The following THRB variants were observed in gnomAD, a reference collection of about 807,000 sequenced individuals.
The protein encoded by THRB is nuclear receptor subfamily 1 group A member 2.
In THRB, 12 loss-of-function variants were observed where a neutral mutation model predicts 47.8. The observed-to-expected ratio is 0.25, with a 90% CI of 0.16 to 0.41. The LOEUF (loss-of-function observed/expected upper bound fraction) is 0.41. THRB is among the 10% of genes least tolerant of loss of function. The probability of loss-of-function intolerance (pLI) is 1.00; values close to 1 mark genes in which losing one functional copy is unlikely to be tolerated. For synonymous variants in THRB, 218 were observed against 212.2 expected (o/e 1.03, Z -0.24); for missense variants, 348 against 589.2 (o/e 0.59, Z 4.24).
intron 1 of THRB, among the ~76,000 whole-genome samples, chr3:24,433,279 A>AT (rs1408578654): frequency 6.6e-6 from 1 of 152,130 alleles, no homozygotes; most frequent in East Asian, 1.9e-4. Context: ...GTAGTTAAGG[A>AT]TTTTCTGATG....
At chr3:24,257,886 G>C (rs1447250191) in intron 3 of THRB, among the ~76,000 whole-genome samples, 1 of 152,226 alleles carries the variant, frequency 6.6e-6, no homozygotes, top group Non-Finnish European at 1.5e-5. Flanking sequence ...TTCAGCTTCA[G>C]CTTGGAGAAC....
chr3:24,135,186 C>T (rs181161472), intron 8 of THRB, among the ~76,000 whole-genome samples: 2 of 152,230 alleles, frequency 1.3e-5, no homozygotes, highest in African/African-American at 2.4e-5. Context: ...TGCCTCCTCC[C>T]GCATATCTCC....
intron 7 of THRB, among the ~76,000 whole-genome samples, chr3:24,145,796 T>C (rs543014472): frequency 6.6e-6 from 1 of 152,302 alleles, no homozygotes; most frequent in Admixed American, 6.5e-5. Flanking sequence ...CCTCACTGTA[T>C]TTTCTTTTTT....
intron 3 of THRB, among the ~76,000 whole-genome samples, chr3:24,285,806 T>C (rs577303888): frequency 5.9e-5 from 9 of 152,300 alleles, no homozygotes; most frequent in East Asian, 3.9e-4. Context: ...TTCCTAAGGT[T>C]AGAGTCTTTT....
At chr3:24,433,042 T>C (rs1350506749) in intron 1 of THRB, among the ~76,000 whole-genome samples, 2 of 152,136 alleles carry the variant, frequency 1.3e-5, no homozygotes, top group Non-Finnish European at 2.9e-5. Flanking sequence ...ATTTTTTATT[T>C]CTACTAACTC....
intron 1 of THRB, among the ~76,000 whole-genome samples, chr3:24,425,357 T>C (rs1299954238): frequency 6.6e-6 from 1 of 151,980 alleles, no homozygotes; most frequent in Non-Finnish European, 1.5e-5. Flanking sequence ...TAAATCTTTT[T>C]GCCATTGTGT....
At chr3:24,388,565 A>T (rs1274284747) in intron 1 of THRB, among the ~76,000 whole-genome samples, 2 of 152,180 alleles carry the variant, frequency 1.3e-5, no homozygotes, top group Admixed American at 6.5e-5. Flanking sequence ...ATTAAAAAAT[A>T]ATTTTCAAAA....
intron 3 of THRB, among the ~76,000 whole-genome samples, chr3:24,296,420 G>C (rs2056451775): frequency 6.6e-6 from 1 of 152,230 alleles, no homozygotes. Context: ...CACATTGTTA[G>C]GACGGGCAAT....
intron 1 of THRB, among the ~76,000 whole-genome samples, chr3:24,340,856 A>T (rs2062592591): frequency 6.6e-6 from 1 of 152,188 alleles, no homozygotes; most frequent in Non-Finnish European, 1.5e-5. Flanking sequence ...ATGGAATCCT[A>T]GTTAGAATTC....
In THRB at chr3:24,165,291, G is replaced by T. The variant is rs1330025483; in HGVS notation, c.284-12801C>A. ...AAATACGCGTAATAATCAGTGGACT[G>T]CATGTAGCAATTGCTGCCGGCAGCT... On this transcript the variant is annotated intron_variant, in intron 5 of 10. Coordinates refer to ENST00000646209, the MANE Select transcript of THRB (RefSeq NM_001354712.2). 3 of 764,990 alleles carry T rather than the reference G, an allele frequency of 3.9e-6. No homozygotes were observed. In the African/African-American group the frequency reaches 5.1e-5, roughly 13 times the overall value. 47.4% of individuals were successfully genotyped at this position (764,990 alleles called of 1,614,324 possible).
intron 1 of THRB, among the ~76,000 whole-genome samples, chr3:24,463,061 CAA>C (rs1254018295): frequency 6.6e-6 from 1 of 152,172 alleles, no homozygotes; most frequent in Non-Finnish European, 1.5e-5. Flanking sequence ...CTGCTATTGA[CAA>C]AGAGCTTGAT....
At chr3:24,407,599 C>G (rs1454327184) in intron 1 of THRB, among the ~76,000 whole-genome samples, 1 of 151,798 alleles carries the variant, frequency 6.6e-6, no homozygotes, top group Non-Finnish European at 1.5e-5. Flanking sequence ...TACAAGAGAC[C>G]TTGCTGCTCA....
chr3:24,476,468 A>G (rs1313361008), intron 1 of THRB, among the ~76,000 whole-genome samples: 3 of 152,252 alleles, frequency 2.0e-5, no homozygotes, highest in Non-Finnish European at 2.9e-5. Flanking sequence ...GAACTGAAAC[A>G]AAAAAATTAA....
At chr3:24,326,826 G>A (rs1034646253) in intron 2 of THRB, among the ~76,000 whole-genome samples, 27 of 136,384 alleles carry the variant, frequency 2.0e-4, no homozygotes, top group Admixed American at 1.2e-3. Context: ...GTGCAGTGGC[G>A]CAATCTTGGG....
intron 1 of THRB, among the ~76,000 whole-genome samples, chr3:24,450,726 G>A (rs1349651371): frequency 6.6e-6 from 1 of 152,160 alleles, no homozygotes; most frequent in African/African-American, 2.4e-5. Context: ...CCAATCTATA[G>A]TAGGCTCAGC....
At chr3:24,414,893 G>T (rs548950635) in intron 1 of THRB, among the ~76,000 whole-genome samples, 2 of 151,832 alleles carry the variant, frequency 1.3e-5, no homozygotes, top group East Asian at 3.9e-4. Flanking sequence ...AAAATGAAAC[G>T]GCATTAGCTG....
chr3:24,288,498 T>C (rs11919954), intron 3 of THRB, among the ~76,000 whole-genome samples: 2,328 of 152,298 alleles, frequency 0.015, 56 homozygotes, highest in African/African-American at 0.052. Flanking sequence ...CCCCTTGTTA[T>C]TTTTTGGCTG....
At chr3:24,165,355 T>G (rs763653215) in intron 5 of THRB, 8 of 758,400 alleles carry the variant, frequency 1.1e-5, no homozygotes, top group African/African-American at 3.4e-5. Context: ...AGTAGTTCAT[T>G]TTGTTTCCCT....
At chr3:24,254,389 TA>T (rs776833610) in intron 3 of THRB, among the ~76,000 whole-genome samples, 219 of 139,478 alleles carry the variant, frequency 1.6e-3, no homozygotes, top group Admixed American at 1.7e-3. Flanking sequence ...GACTCCATCT[TA>T]AAAAAAAAAA....
Sources: gnomAD v4.1 joint callset for allele counts (sites outside exome capture counted in the v4.1 genomes callset) on GRCh38, gnomAD v4.1.1 for gene constraint, MANE v1.5 for transcripts, NCBI Gene and HGNC (gene_info 2026-07-23, HGNC 2026-07-21) for gene names.